The following GGCT variants were observed in gnomAD, a reference collection of about 807,000 sequenced individuals.
The protein encoded by GGCT is gamma-glutamylcyclotransferase, also known as cytochrome c-releasing factor 21.
GGCT carries 20 observed loss-of-function variants against 22.1 expected under a neutral mutation model. That is an observed-to-expected ratio of 0.91 (90% CI 0.64 to 1.32). The LOEUF (loss-of-function observed/expected upper bound fraction) is 1.32. Ranked by LOEUF, GGCT falls within the 40% of genes most tolerant of loss-of-function variation. The pLI, the probability that GGCT is intolerant of heterozygous loss-of-function variation, is 0.00. For synonymous variants in GGCT, 72 were observed against 78.4 expected (o/e 0.92, Z 0.43); for missense variants, 209 against 223.5 (o/e 0.94, Z 0.41).
Position 30,504,557 on chromosome 7 carries a change from G to C in GGCT, c.141+12C>G. ...CGGCCCCGGCGTGGGTAGCGCGGGAGGGGGCACTCACCTGCAGGCGGGCCA... is the reference window on the plus strand; with the variant it reads ...CGGCCCCGGCGTGGGTAGCGCGGGACGGGGCACTCACCTGCAGGCGGGCCA... On this transcript the variant is annotated intron_variant, in intron 1 of 3. Transcript: ENST00000275428. The C allele has an allele frequency of 1.2e-6, 2 of 1,612,970 alleles. No homozygotes were observed. The highest frequency in any genetic ancestry group is 1.7e-6 in the Non-Finnish European group (2 of 1,179,718).
chr7:30,499,132 C>G, intron 2 of GGCT, 194 bp from the exon 3 acceptor site: 1 of 611,422 alleles, frequency 1.6e-6, no homozygotes, highest in Non-Finnish European at 2.9e-6. Flanking sequence ...AGCATTTAGG[C>G]TGGGTACGGT....
At chr7:30,497,629 A>G (rs1789582228) in intron 3 of GGCT, 2 of 524,672 alleles carry the variant, frequency 3.8e-6, no homozygotes, top group East Asian at 3.4e-5. Flanking sequence ...TGAATTGGAC[A>G]TGGGGGAATA....
chr7:30,504,398 G>A (rs150267718), intron 1 of GGCT, among the ~76,000 whole-genome samples, 171 bp downstream of exon 1: 5 of 152,380 alleles, frequency 3.3e-5, no homozygotes, highest in South Asian at 2.1e-4. Context: ...GGGCAGGGCC[G>A]GGCAGTGGGC....
rs749984302 is a variant in GGCT, at chr7:30,504,718, A to G, written c.-9T>C. 6.2e-7 allele frequency: 1 copy of G among 1,613,742 alleles called. No individual in the cohort carries two copies. Among genetic ancestry groups the G allele is most frequent in the Non-Finnish European group, 8.5e-7 (1 of 1,179,668 alleles). ...CAGCCCGAGTTGGCCATATCCCACT[A>G]CGCCCCTGCACTGGAGCCTGAAGCA... On this transcript the variant is annotated 5_prime_UTR_variant, in exon 1 of 4. Coordinates refer to ENST00000275428, the MANE Select transcript of GGCT (RefSeq NM_024051.4).
chr7:30,501,215 A>G (rs1789694175), intron 1 of GGCT, among the ~76,000 whole-genome samples: 1 of 152,208 alleles, frequency 6.6e-6, no homozygotes, highest in Non-Finnish European at 1.5e-5. Context: ...TAATTTATCT[A>G]CAATAATCAT....
intron 3 of GGCT, among the ~76,000 whole-genome samples, chr7:30,498,536 C>G (rs1193686217): frequency 6.6e-6 from 1 of 152,132 alleles, no homozygotes; most frequent in Non-Finnish European, 1.5e-5. Context: ...TCTTATGCCT[C>G]AGCCTTCCAA....
intron 1 of GGCT, among the ~76,000 whole-genome samples, chr7:30,503,303 A>T (rs573680287): frequency 5.3e-5 from 8 of 151,866 alleles, no homozygotes; most frequent in South Asian, 2.1e-4. Context: ...AAGCATTTGG[A>T]CTCCCTTCCT....
chr7:30,498,654 G>C, intron 3 of GGCT, 149 bp downstream of exon 3: 1 of 687,642 alleles, frequency 1.5e-6, no homozygotes, highest in Non-Finnish European at 2.5e-6. Context: ...CCTAACTTCA[G>C]GTGATCTGCC....
In GGCT at chr7:30,498,788, C is replaced by T. The variant is rs1336186819; in HGVS notation, c.423+15G>A. 1 of 1,604,690 alleles carries T rather than the reference C, an allele frequency of 6.2e-7. No homozygotes were observed. The highest frequency in any genetic ancestry group is 1.3e-5 in the African/African-American group (1 of 74,602). ...AATTTAAAAAGTAATCACCACCAGT[C>T]TGTAAATAGCTTACCTTTTTATACT... On this transcript the variant is annotated intron_variant, in intron 3 of 3. Coordinates refer to ENST00000275428, the MANE Select transcript of GGCT (RefSeq NM_024051.4).
chr7:30,504,135 C>A (rs1789768526), intron 1 of GGCT, among the ~76,000 whole-genome samples: 1 of 152,222 alleles, frequency 6.6e-6, no homozygotes, highest in Admixed American at 6.5e-5. Context: ...CTTTCAGGAC[C>A]TCTTAGATGA....
chr7:30,500,514 CTTATAA>C lies in GGCT; in HGVS notation c.287+16_287+21del, dbSNP rs768411408. Reference sequence around the variant, plus strand: ...GCTTTCTGAATTAATTACTGTTTAACTTATAATTAGAAGCCACCTACTCATCCAGAG... The same window carrying C: ...GCTTTCTGAATTAATTACTGTTTAACTTAGAAGCCACCTACTCATCCAGAG... On this transcript the variant is annotated intron_variant, in intron 2 of 3. Coordinates refer to ENST00000275428, the MANE Select transcript of GGCT (RefSeq NM_024051.4). 3.1e-6 allele frequency: 5 copies of C among 1,593,622 alleles called. No individual in the cohort carries two copies. The African/African-American group carries it at 5.4e-5, about 17-fold the overall frequency.
chr7:30,504,558 G>A lies in GGCT; in HGVS notation c.141+11C>T. 6.2e-7 allele frequency: 1 copy of A among 1,613,120 alleles called. No homozygotes were observed. Among genetic ancestry groups the A allele is most frequent in the Non-Finnish European group, 8.5e-7 (1 of 1,179,760 alleles). Reference sequence around the variant, plus strand: ...GGCCCCGGCGTGGGTAGCGCGGGAGGGGGCACTCACCTGCAGGCGGGCCAC... The same window carrying A: ...GGCCCCGGCGTGGGTAGCGCGGGAGAGGGCACTCACCTGCAGGCGGGCCAC... On this transcript the variant is annotated intron_variant, in intron 1 of 3. Coordinates refer to ENST00000275428, the MANE Select transcript of GGCT (RefSeq NM_024051.4).
chr7:30,498,420 T>C (rs1001809400), intron 3 of GGCT, among the ~76,000 whole-genome samples: 6 of 152,174 alleles, frequency 3.9e-5, no homozygotes, highest in African/African-American at 1.4e-4. Context: ...AAACCTTTTA[T>C]TTCTTTTTTA....
At chr7:30,497,267 A>C (rs756888970) in intron 3 of GGCT, 32 bp from the exon 4 acceptor site, 36 of 1,554,622 alleles carry the variant, frequency 2.3e-5, no homozygotes, top group Non-Finnish European at 3.0e-5. Flanking sequence ...AGACAAAAAA[A>C]CCCTTTCAGT....
chr7:30,502,405 C>T (rs541326332), intron 1 of GGCT, among the ~76,000 whole-genome samples: 2 of 152,206 alleles, frequency 1.3e-5, no homozygotes, highest in Admixed American at 6.5e-5. Context: ...TTGCTCAAGA[C>T]ATTCTCATCC....
chr7:30,499,738 A>G (rs150849193), intron 2 of GGCT, among the ~76,000 whole-genome samples: 8 of 151,848 alleles, frequency 5.3e-5, no homozygotes, highest in African/African-American at 1.9e-4. Context: ...AGCTTAGCTT[A>G]GCATTTCAAT....
At chr7:30,498,719 TAA>T (rs1020678788) in intron 3 of GGCT, 82 bp downstream of exon 3, 1 of 1,292,050 alleles carries the variant, frequency 7.7e-7, no homozygotes, top group African/African-American at 1.5e-5. Flanking sequence ...ACGTTGGGCC[TAA>T]AGTCTTTTAA....
intron 3 of GGCT, chr7:30,498,006 CAT>C (rs576048451): frequency 0.035 from 6,503 of 188,004 alleles, 1 homozygote; most frequent in East Asian, 0.085. Context: ...ATTACAAAAG[CAT>C]ATATATATAT....
At chr7:30,497,496 TAA>T (rs1250088369) in intron 3 of GGCT, 4 of 374,432 alleles carry the variant, frequency 1.1e-5, no homozygotes, top group African/African-American at 8.3e-5. Context: ...ATTTTAATAT[TAA>T]GACAAACATA....
Sources: allele counts gnomAD v4.1 joint callset (sites outside exome capture counted in the v4.1 genomes callset), GRCh38; gene constraint gnomAD v4.1.1; transcripts MANE v1.5; gene names NCBI Gene and HGNC (gene_info 2026-07-23, HGNC 2026-07-21).